The following C12orf54 variants were observed in gnomAD, a reference collection of about 807,000 sequenced individuals.
C12orf54 encodes the protein chromosome 12 open reading frame 54, also known as uncharacterized protein C12orf54.
In C12orf54, 24 loss-of-function variants were observed where a neutral mutation model predicts 26.4. That is an observed-to-expected ratio of 0.91 (90% CI 0.66 to 1.28). The LOEUF is 1.28. C12orf54 is among the 50% of genes most tolerant of loss of function. C12orf54 has a pLI of 0.00. For synonymous variants in C12orf54, 54 were observed against 47.0 expected (o/e 1.15, Z -0.61); for missense variants, 154 against 150.9 (o/e 1.02, Z -0.11).
At chr12:48,468,564 A>G in the C12orf54 span, among the ~76,000 whole-genome samples, 1 of 150,880 alleles carries the variant, frequency 6.6e-6, no homozygotes, top group Non-Finnish European at 1.5e-5. Context: ...ACAAGGACCA[A>G]AAAAGATACC....
chr12:48,436,611 C>T, the C12orf54 span, among the ~76,000 whole-genome samples: 1 of 152,196 alleles, frequency 6.6e-6, no homozygotes, highest in African/African-American at 2.4e-5. Flanking sequence ...TCACTCAAAA[C>T]CGCTCAACTA....
At chr12:48,433,967 C>A in the C12orf54 span, among the ~76,000 whole-genome samples, 1 of 152,196 alleles carries the variant, frequency 6.6e-6, no homozygotes, top group Non-Finnish European at 1.5e-5. Context: ...GGCGAGCCAT[C>A]ACCTCACCCC....
the C12orf54 span, among the ~76,000 whole-genome samples, chr12:48,469,123 T>G: frequency 6.6e-6 from 1 of 152,196 alleles, no homozygotes; most frequent in Non-Finnish European, 1.5e-5. Context: ...GAGCTCACAT[T>G]GTCATTGATA....
intron 4 of C12orf54, among the ~76,000 whole-genome samples, chr12:48,488,710 T>C (rs760448487): frequency 1.3e-5 from 2 of 152,180 alleles, no homozygotes; most frequent in Non-Finnish European, 2.9e-5. Flanking sequence ...ATTTTGCTCA[T>C]TTACCATACA....
chr12:48,476,010 C>T, the C12orf54 span, among the ~76,000 whole-genome samples: 191 of 151,972 alleles, frequency 1.3e-3, 1 homozygote, highest in Non-Finnish European at 1.8e-3. Context: ...GGTTGGGTTA[C>T]CCACAAAGGG....
the C12orf54 span, chr12:48,472,996 A>G: frequency 5.6e-6 from 9 of 1,614,046 alleles, no homozygotes; most frequent in Admixed American, 1.2e-4. Context: ...CCCCTGAAAA[A>G]GTTAGAAAAC....
chr12:48,446,397 T>A, the C12orf54 span, among the ~76,000 whole-genome samples: 1 of 152,190 alleles, frequency 6.6e-6, no homozygotes, highest in South Asian at 2.1e-4. Flanking sequence ...TCTTTCATAC[T>A]TCCCCTGGCA....
In C12orf54 at chr12:48,492,968, C is replaced by T; in HGVS notation, c.215C>T (p.Thr72Ile). The change falls in exon 7 of 9, where the codon ACA becomes ATA. Residue 72 changes from threonine (T) to isoleucine (I), a missense_variant. By Grantham distance (89) the Thr-to-Ile change is moderately conservative (BLOSUM62 -1). Transcript: ENST00000548364. ...TTAGGGATGAGCAACTGCTCCATGACACCCATGACATCAGCACCCAGGACT... is the reference window on the plus strand; with the variant it reads ...TTAGGGATGAGCAACTGCTCCATGATACCCATGACATCAGCACCCAGGACT... ...RIRGMSNCSM[T>I]PMTSAPRTGS... 1 of 1,614,106 alleles carries T rather than the reference C, an allele frequency of 6.2e-7. No homozygotes were observed. The highest frequency in any genetic ancestry group is 8.5e-7 in the Non-Finnish European group (1 of 1,179,946).
chr12:48,436,613 G>T, the C12orf54 span, among the ~76,000 whole-genome samples: 1 of 152,116 alleles, frequency 6.6e-6, no homozygotes, highest in Non-Finnish European at 1.5e-5. Context: ...ACTCAAAACC[G>T]CTCAACTACA....
chr12:48,430,461 A>G, the C12orf54 span, among the ~76,000 whole-genome samples: 1,201 of 151,988 alleles, frequency 7.9e-3, 23 homozygotes, highest in African/African-American at 0.028. Flanking sequence ...CAAGAAAAAA[A>G]CAAACAATCC....
chr12:48,492,737 G>A (rs937936549), intron 6 of C12orf54, among the ~76,000 whole-genome samples: 6 of 152,182 alleles, frequency 3.9e-5, no homozygotes, highest in African/African-American at 1.4e-4. Context: ...ACCTTCAGTG[G>A]CCATGATCCG....
chr12:48,435,900 AAATAAT>A, the C12orf54 span, among the ~76,000 whole-genome samples: 28 of 152,166 alleles, frequency 1.8e-4, no homozygotes, highest in African/African-American at 6.8e-4. Flanking sequence ...TCAAATTCAC[AAATAAT>A]AATAATAATG....
the C12orf54 span, among the ~76,000 whole-genome samples, chr12:48,420,012 G>A: frequency 4.7e-4 from 72 of 152,088 alleles, no homozygotes; most frequent in African/African-American, 1.7e-3. Context: ...ATATAATTTT[G>A]AGAAGTTCTG....
chr12:48,418,979 G>C, the C12orf54 span, among the ~76,000 whole-genome samples: 1 of 150,980 alleles, frequency 6.6e-6, no homozygotes, highest in East Asian at 1.9e-4. Flanking sequence ...GTAACTCACT[G>C]TCCTGATAGG....
the C12orf54 span, among the ~76,000 whole-genome samples, chr12:48,457,697 G>A: frequency 7.2e-5 from 11 of 152,062 alleles, no homozygotes; most frequent in Admixed American, 2.0e-4. Context: ...AGTCAGCTTC[G>A]GCTTCGGTGC....
At chr12:48,414,184 T>C in the C12orf54 span, among the ~76,000 whole-genome samples, 3 of 152,228 alleles carry the variant, frequency 2.0e-5, no homozygotes, top group Non-Finnish European at 4.4e-5. Context: ...TCTGAGCCAG[T>C]TCTCTGTGCT....
chr12:48,437,576 C>T, the C12orf54 span, among the ~76,000 whole-genome samples: 2 of 152,110 alleles, frequency 1.3e-5, no homozygotes, highest in East Asian at 1.9e-4. Context: ...CTTCATGCCT[C>T]GGATGCAAGG....
At chr12:48,479,080 C>T (rs559775809), upstream of C12orf54, among the ~76,000 whole-genome samples, 1 of 152,280 alleles carries the variant, frequency 6.6e-6, no homozygotes, top group East Asian at 1.9e-4. Flanking sequence ...TATTGCGGCA[C>T]TATTCACAAT....
At chr12:48,454,192 G>A in the C12orf54 span, among the ~76,000 whole-genome samples, 12 of 148,608 alleles carry the variant, frequency 8.1e-5, no homozygotes, top group Admixed American at 8.2e-4. Context: ...CTGCCTCCTG[G>A]GTTCAAGTGA....
Sources: allele counts gnomAD v4.1 joint callset (sites outside exome capture counted in the v4.1 genomes callset), GRCh38; gene constraint gnomAD v4.1.1; transcripts MANE v1.5; gene names NCBI Gene and HGNC (gene_info 2026-07-23, HGNC 2026-07-21).